The following ENOX1 variants were observed in gnomAD, a reference collection of about 807,000 sequenced individuals.
ENOX1 encodes candidate growth-related and time keeping constitutive hydroquinone (NADH) oxidase.
A neutral mutation model predicts 82.5 loss-of-function variants in ENOX1; 42 were observed. That is an observed-to-expected ratio of 0.51 (90% CI 0.40 to 0.66). The LOEUF (loss-of-function observed/expected upper bound fraction) is 0.66. Ranked by LOEUF, ENOX1 falls within the 30% of genes least tolerant of loss-of-function variation. ENOX1 has a pLI of 0.00. For synonymous variants in ENOX1, 271 were observed against 282.2 expected (o/e 0.96, Z 0.40); for missense variants, 608 against 811.6 (o/e 0.75, Z 3.05).
At chr13:43,355,217 G>A (rs78703523) in intron 8 of ENOX1, among the ~76,000 whole-genome samples, 1,849 of 152,200 alleles carry the variant, frequency 0.012, 41 homozygotes, top group African/African-American at 0.042. Context: ...TTCAAAATCT[G>A]GCATCACTGT....
chr13:43,409,734 ATAGT>A lies in ENOX1; in HGVS notation c.208+2178_208+2181del, dbSNP rs377010741. Among the ~76,000 whole-genome samples, 16 of 152,340 alleles carry A rather than the reference ATAGT, an allele frequency of 1.1e-4. No homozygotes were observed. In the East Asian group the frequency reaches 2.9e-3, roughly 27 times the overall value. ...TAATATAAAAGAATACAATGGAAAA[ATAGT>A]TTAGGATAAGATGTTAAAAATGCAT... On this transcript the variant is annotated intron_variant, in intron 5 of 16. Transcript: ENST00000690772.
intron 2 of ENOX1, among the ~76,000 whole-genome samples, chr13:43,621,689 T>C (rs1053616629): frequency 1.4e-4 from 22 of 152,208 alleles, no homozygotes; most frequent in African/African-American, 5.1e-4. Context: ...TTAAGATTCG[T>C]TCCTTCATCT....
chr13:43,524,173 C>T (rs2077893123), intron 2 of ENOX1, among the ~76,000 whole-genome samples: 1 of 152,150 alleles, frequency 6.6e-6, no homozygotes, highest in Non-Finnish European at 1.5e-5. Flanking sequence ...AACTCATTGT[C>T]TTGATAGTGA....
chr13:43,315,479 C>CAAT (rs890933623), intron 11 of ENOX1, among the ~76,000 whole-genome samples: 1 of 152,084 alleles, frequency 6.6e-6, no homozygotes, highest in African/African-American at 2.4e-5. Flanking sequence ...GAAAGAACAA[C>CAAT]AACAATAAAA....
intron 5 of ENOX1, among the ~76,000 whole-genome samples, chr13:43,392,444 C>T (rs1456208869): frequency 3.3e-5 from 5 of 152,108 alleles, no homozygotes; most frequent in African/African-American, 4.8e-5. Flanking sequence ...TTTGGGAGGG[C>T]GAGGCGGGTG....
intron 16 of ENOX1, among the ~76,000 whole-genome samples, chr13:43,219,009 CAT>C (rs1283272536): frequency 1.3e-5 from 2 of 152,178 alleles, no homozygotes. Flanking sequence ...ACTCTGGAGT[CAT>C]TACTTAAACC....
chr13:43,272,941 C>T (rs1182150690), intron 12 of ENOX1, among the ~76,000 whole-genome samples: 1 of 152,208 alleles, frequency 6.6e-6, no homozygotes, highest in Admixed American at 6.5e-5. Flanking sequence ...CAGTGCCTTG[C>T]TAATTGCCAG....
intron 1 of ENOX1, among the ~76,000 whole-genome samples, chr13:43,669,503 A>G (rs1367341791): frequency 6.6e-6 from 1 of 152,030 alleles, no homozygotes; most frequent in Non-Finnish European, 1.5e-5. Context: ...CTTTTGTGAG[A>G]AGAAGGAGCT....
At chr13:43,491,418 C>G (rs2153662146) in intron 2 of ENOX1, among the ~76,000 whole-genome samples, 1 of 152,220 alleles carries the variant, frequency 6.6e-6, no homozygotes, top group South Asian at 2.1e-4. Context: ...GTAGTTCATC[C>G]TGAAAAGAGC....
chr13:43,466,567 A>T (rs2057732545), intron 3 of ENOX1, among the ~76,000 whole-genome samples: 4 of 152,206 alleles, frequency 2.6e-5, no homozygotes, highest in Non-Finnish European at 5.9e-5. Flanking sequence ...AATCCCATTA[A>T]ACCTACCAAA....
intron 9 of ENOX1, among the ~76,000 whole-genome samples, chr13:43,342,209 T>G (rs1458314169): frequency 6.6e-6 from 1 of 152,164 alleles, no homozygotes; most frequent in Admixed American, 6.5e-5. Flanking sequence ...TACTCACATG[T>G]GGATGCCGTG....
intron 2 of ENOX1, among the ~76,000 whole-genome samples, chr13:43,621,873 T>C (rs982089713): frequency 3.9e-5 from 6 of 152,196 alleles, no homozygotes; most frequent in Non-Finnish European, 7.4e-5. Flanking sequence ...ATTCTCTTCT[T>C]CCTCAGGAAG....
At position 43,213,544 on chromosome 13, in the gene ENOX1, C is replaced by CTTTTTTTTTTTT. The variant is rs3043205; in HGVS notation, c.*434_*445dup. ...TTTTTCTTTTTTTCTTTTTCTTTTT[C>CTTTTTTTTTTTT]TTTTTTTTTTTTTTTTTTTTTTTAC... is the stretch of plus-strand genomic sequence containing the variant. On this transcript the variant is annotated 3_prime_UTR_variant, in exon 17 of 17. Transcript: ENST00000690772. 49 of 83,980 alleles carry CTTTTTTTTTTTT rather than the reference C, an allele frequency of 5.8e-4. No individual in the cohort carries two copies. Among genetic ancestry groups the CTTTTTTTTTTTT allele is most frequent in the African/African-American group, 1.4e-3 (32 of 22,748 alleles). 5.2% of individuals were successfully genotyped at this position (83,980 alleles called of 1,614,324 possible).
At chr13:43,468,788 T>C (rs1021486173) in intron 3 of ENOX1, among the ~76,000 whole-genome samples, 1 of 152,232 alleles carries the variant, frequency 6.6e-6, no homozygotes, top group Non-Finnish European at 1.5e-5. Context: ...TCTCTTTCAA[T>C]GATGCTTTGC....
intron 2 of ENOX1, among the ~76,000 whole-genome samples, chr13:43,531,094 G>A (rs2078192108): frequency 6.6e-6 from 1 of 151,438 alleles, no homozygotes; most frequent in Non-Finnish European, 1.5e-5. Context: ...TTTACAAGAA[G>A]TAAATAATAC....
chr13:43,617,490 T>C (rs2082533669), intron 2 of ENOX1, among the ~76,000 whole-genome samples: 1 of 152,216 alleles, frequency 6.6e-6, no homozygotes, highest in Non-Finnish European at 1.5e-5. Context: ...TATGCTTACT[T>C]TTTAAACTTT....
At chr13:43,572,115 A>G (rs555734920) in intron 2 of ENOX1, among the ~76,000 whole-genome samples, 1 of 152,334 alleles carries the variant, frequency 6.6e-6, no homozygotes, top group Non-Finnish European at 1.5e-5. Context: ...ACATACATAT[A>G]CATTATAATA....
At chr13:43,220,158 T>G (rs1355959503) in intron 16 of ENOX1, among the ~76,000 whole-genome samples, 2 of 149,854 alleles carry the variant, frequency 1.3e-5, no homozygotes, top group Non-Finnish European at 3.0e-5. Context: ...AAGAAACTGG[T>G]AGAGGAAGGG....
intron 11 of ENOX1, 37 bp from the exon 12 acceptor site, chr13:43,298,567 T>G (rs754298653): frequency 6.4e-7 from 1 of 1,558,130 alleles, no homozygotes; most frequent in Non-Finnish European, 8.7e-7. Context: ...GTGAGCTACC[T>G]TCTTGCTTAG....
Sources: allele counts gnomAD v4.1 joint callset (sites outside exome capture counted in the v4.1 genomes callset), GRCh38; gene constraint gnomAD v4.1.1; transcripts MANE v1.5; gene names NCBI Gene and HGNC (gene_info 2026-07-23, HGNC 2026-07-21).